NTM: variants seen among roughly 807,000 people sequenced by gnomAD.
The protein encoded by NTM is IgLON family member 2.
NTM carries 13 observed loss-of-function variants against 42.1 expected under a neutral mutation model. The observed-to-expected ratio is 0.31, with a 90% CI of 0.20 to 0.49. NTM has a LOEUF of 0.49. NTM is among the 20% of genes least tolerant of loss of function. NTM has a pLI of 0.99. For synonymous variants in NTM, 187 were observed against 179.2 expected (o/e 1.04, Z -0.35); for missense variants, 373 against 452.8 (o/e 0.82, Z 1.60).
intron 1 of NTM, among the ~76,000 whole-genome samples, chr11:131,758,719 A>C (rs2083680292): frequency 6.6e-6 from 1 of 151,900 alleles, no homozygotes; most frequent in Admixed American, 6.6e-5. Context: ...CTGCCTCCCG[A>C]GTAGCTGGGA....
intron 4 of NTM, among the ~76,000 whole-genome samples, chr11:132,256,151 C>G (rs953070897): frequency 6.6e-6 from 1 of 152,160 alleles, no homozygotes; most frequent in Non-Finnish European, 1.5e-5. Context: ...TCACTTCTCT[C>G]TTGCACATAC....
intron 1 of NTM, among the ~76,000 whole-genome samples, chr11:131,905,763 C>G (rs562901788): frequency 3.3e-5 from 5 of 152,246 alleles, no homozygotes; most frequent in Non-Finnish European, 5.9e-5. Flanking sequence ...TATGTCTCTC[C>G]CATTCATTGC....
intron 2 of NTM, among the ~76,000 whole-genome samples, chr11:132,108,046 CCTT>C (rs1366634380): frequency 6.6e-6 from 1 of 152,180 alleles, no homozygotes; most frequent in African/African-American, 2.4e-5. Context: ...GATGCCTACT[CCTT>C]CTCAATAAAG....
intron 2 of NTM, among the ~76,000 whole-genome samples, chr11:131,934,214 G>A (rs916555575): frequency 1.3e-5 from 2 of 152,122 alleles, no homozygotes; most frequent in African/African-American, 4.8e-5. Context: ...TTTTCCTGGT[G>A]AATGAGAAGG....
chr11:132,018,604 T>C (rs1045428325), intron 2 of NTM, among the ~76,000 whole-genome samples: 2 of 152,022 alleles, frequency 1.3e-5, no homozygotes, highest in South Asian at 2.1e-4. Flanking sequence ...TGATCTGCTT[T>C]AAATATTGTT....
chr11:131,559,903 G>A (rs1323060852), intron 1 of NTM, among the ~76,000 whole-genome samples: 1 of 152,156 alleles, frequency 6.6e-6, no homozygotes, highest in African/African-American at 2.4e-5. Context: ...AACTGCAAAG[G>A]TGGGTGGGAA....
At chr11:132,164,988 G>A (rs1046259842) in intron 3 of NTM, among the ~76,000 whole-genome samples, 4 of 151,946 alleles carry the variant, frequency 2.6e-5, no homozygotes, top group Non-Finnish European at 5.9e-5. Flanking sequence ...TTTATTCTCA[G>A]CTCCCCCTCC....
chr11:132,176,280 T>G (rs1230813363), intron 3 of NTM, among the ~76,000 whole-genome samples: 1 of 151,114 alleles, frequency 6.6e-6, no homozygotes, highest in East Asian at 2.0e-4. Context: ...CAAGACCAGG[T>G]GGTAAAAAGT....
chr11:132,050,862 T>G (rs2078754959), intron 2 of NTM, among the ~76,000 whole-genome samples: 1 of 152,236 alleles, frequency 6.6e-6, no homozygotes, highest in Admixed American at 6.5e-5. Flanking sequence ...CTGGCAGTTT[T>G]CTTTTCATAC....
chr11:132,109,687 G>C (rs2062903392), intron 2 of NTM, among the ~76,000 whole-genome samples: 1 of 152,052 alleles, frequency 6.6e-6, no homozygotes, highest in South Asian at 2.1e-4. Flanking sequence ...CAGCCATGCT[G>C]CTCTCCTCTC....
At chr11:131,627,310 G>C (rs1000827956) in intron 1 of NTM, among the ~76,000 whole-genome samples, 1 of 151,752 alleles carries the variant, frequency 6.6e-6, no homozygotes, top group Non-Finnish European at 1.5e-5. Flanking sequence ...TGAGAGCAGA[G>C]GAATGTCTGA....
intron 4 of NTM, among the ~76,000 whole-genome samples, chr11:132,285,869 C>A (rs1018238689): frequency 6.6e-6 from 1 of 152,158 alleles, no homozygotes; most frequent in Admixed American, 6.5e-5. Flanking sequence ...AAGGCACAGT[C>A]CAGCCTCTTG....
chr11:131,856,653 T>C (rs2046130538), intron 1 of NTM, among the ~76,000 whole-genome samples: 1 of 152,212 alleles, frequency 6.6e-6, no homozygotes, highest in African/African-American at 2.4e-5. Context: ...CCATACTAGT[T>C]TATGTAATAC....
chr11:132,108,530 G>C (rs1439978536), intron 2 of NTM, among the ~76,000 whole-genome samples: 2 of 152,114 alleles, frequency 1.3e-5, no homozygotes, highest in African/African-American at 2.4e-5. Flanking sequence ...GGGGACTTGG[G>C]AGGAAGGGTG....
chr11:131,840,988 C>T (rs2044164821), intron 1 of NTM, among the ~76,000 whole-genome samples: 1 of 152,178 alleles, frequency 6.6e-6, no homozygotes, highest in Non-Finnish European at 1.5e-5. Context: ...GTATGGTCTT[C>T]CAGCAGTACA....
At chr11:131,437,850 G>T (rs562645662) in intron 1 of NTM, among the ~76,000 whole-genome samples, 3 of 152,136 alleles carry the variant, frequency 2.0e-5, no homozygotes, top group Admixed American at 6.5e-5. Context: ...TATTTTGCCC[G>T]TTAGTTGATG....
chr11:131,739,917 CA>C (rs2080966998), intron 1 of NTM, among the ~76,000 whole-genome samples: 1 of 152,190 alleles, frequency 6.6e-6, no homozygotes, highest in Admixed American at 6.5e-5. Context: ...GAAACACCAA[CA>C]ATGAGGAGGG....
rs149079341 is a variant in NTM at position 131,787,354 on chromosome 11, GATT to G, written c.83-124185_83-124183del. ...AGATTTTAATATTAACATAATACAA[GATT>G]ATTATTATTATTATTATTATTATTT... On this transcript the variant is annotated intron_variant, in intron 1 of 8. Transcript: ENST00000683400. 3.0e-3 allele frequency among the ~76,000 whole-genome samples: 427 copies of G among 144,428 alleles called. 8 individuals are homozygous for G. In the East Asian group the frequency reaches 0.03, roughly 10 times the overall value. The allele number at this position is 144,428 out of a possible 152,430, so 94.8% of individuals were successfully genotyped here.
intron 1 of NTM, among the ~76,000 whole-genome samples, chr11:131,474,782 T>C (rs889191639): frequency 5.3e-5 from 8 of 152,150 alleles, no homozygotes. Context: ...TCTTGGACTA[T>C]CGCAATAGCC....
Sources: gnomAD v4.1 joint callset for allele counts (sites outside exome capture counted in the v4.1 genomes callset) on GRCh38, gnomAD v4.1.1 for gene constraint, MANE v1.5 for transcripts, NCBI Gene and HGNC (gene_info 2026-07-23, HGNC 2026-07-21) for gene names.